Variants in MLPH observed in about 807,000 individuals in gnomAD.
MLPH encodes the protein melanophilin.
In MLPH, 51 loss-of-function variants were observed where a neutral mutation model predicts 72.1. That is an observed-to-expected ratio of 0.71 (90% confidence interval 0.56 to 0.89). The LOEUF (loss-of-function observed/expected upper bound fraction) is 0.89, where lower values mean the gene tolerates loss of function less well. Ranked by LOEUF, MLPH falls within the 40% of genes least tolerant of loss-of-function variation. The probability of loss-of-function intolerance (pLI) is 0.00; values close to 1 mark genes in which losing one functional copy is unlikely to be tolerated. For missense variants in MLPH, 743 were observed against 759.9 expected (o/e 0.98, Z 0.26); for synonymous variants, 301 against 310.1 (o/e 0.97, Z 0.31).
At chr2:237,498,400 TC>T (rs2079580053) in intron 2 of MLPH, among the ~76,000 whole-genome samples, 1 of 152,138 alleles carries the variant, frequency 6.6e-6, no homozygotes, top group African/African-American at 2.4e-5. Flanking sequence ...TCCCACAGCG[TC>T]AGAACAACAC....
At chr2:237,495,645 G>A (rs925481292) in intron 2 of MLPH, among the ~76,000 whole-genome samples, 23 of 152,152 alleles carry the variant, frequency 1.5e-4, no homozygotes, top group Non-Finnish European at 2.6e-4. Flanking sequence ...AGGGGCCGGC[G>A]TCAGAGCCTC....
intron 6 of MLPH, among the ~76,000 whole-genome samples, chr2:237,522,905 T>G (rs1045937919): frequency 1.2e-4 from 18 of 152,224 alleles, no homozygotes; most frequent in Admixed American, 3.3e-4. Context: ...AGGGCTGCTG[T>G]ATTAGCATCT....
intron 1 of MLPH, among the ~76,000 whole-genome samples, chr2:237,488,643 C>T (rs186634983): frequency 1.7e-4 from 26 of 152,274 alleles, no homozygotes; most frequent in African/African-American, 6.3e-4. Context: ...TGACTGAGGA[C>T]ACATTTAGAG....
chr2:237,545,368 C>A, intron 12 of MLPH: 1 of 1,079,540 alleles, frequency 9.3e-7, no homozygotes, highest in Non-Finnish European at 1.2e-6. Context: ...CGTGAACATC[C>A]GGCCTGAGTT....
chr2:237,502,842 G>A (rs1031586589), intron 2 of MLPH, among the ~76,000 whole-genome samples: 2 of 152,134 alleles, frequency 1.3e-5, no homozygotes, highest in African/African-American at 4.8e-5. Flanking sequence ...TTTTTGACCA[G>A]GCTCGGTGAC....
At position 237,540,819 on chromosome 2, in the gene MLPH, T is replaced by A; in HGVS notation, c.1308T>A (p.His436Gln). The A allele has an allele frequency of 1.2e-6, 2 of 1,612,976 alleles. No individual in the cohort carries two copies. The highest frequency in any genetic ancestry group is 1.7e-6 in the Non-Finnish European group (2 of 1,179,934). The stretch of plus-strand genomic sequence containing the variant: ...TTTCCTAGGTGGGCACGGCTGCCCA[T>A]CAAACCAACAGACAGGAAAAAAGCC... The part of the protein sequence containing the change: ...QADPEVGTAA[H>Q]QTNRQEKSPQ... The change falls in exon 11 of 16, where the codon CAT (histidine) becomes CAA (glutamine). Residue 436 changes from histidine to glutamine, a missense_variant. His to Gln is a conservative substitution (Grantham distance 24, BLOSUM62 0). Transcript: ENST00000264605.
intron 14 of MLPH, chr2:237,552,104 G>C (rs2081052072): frequency 3.9e-6 from 2 of 509,042 alleles, no homozygotes; most frequent in African/African-American, 3.8e-5. Context: ...GCCACAGTGA[G>C]GAAGAATGTT....
chr2:237,536,857 G>T (rs1478012319), intron 9 of MLPH, among the ~76,000 whole-genome samples: 1 of 152,228 alleles, frequency 6.6e-6, no homozygotes. Flanking sequence ...TAACCTTGTG[G>T]AGGGAAAGGG....
chr2:237,499,184 C>A (rs2079597129), intron 2 of MLPH, among the ~76,000 whole-genome samples: 3 of 152,072 alleles, frequency 2.0e-5, no homozygotes, highest in Admixed American at 2.0e-4. Context: ...GTTCACTAGC[C>A]TCGCCCTGAC....
At chr2:237,542,214 G>A (rs1396096356) in intron 11 of MLPH, among the ~76,000 whole-genome samples, 2 of 152,136 alleles carry the variant, frequency 1.3e-5, no homozygotes, top group Admixed American at 1.3e-4. Context: ...GCCAGTGGGA[G>A]TGGCCGACTG....
chr2:237,498,062 A>C (rs886525650), intron 2 of MLPH, among the ~76,000 whole-genome samples: 31 of 152,258 alleles, frequency 2.0e-4, no homozygotes, highest in Non-Finnish European at 1.2e-4. Context: ...GAGAGAGGAG[A>C]GAACAGGGGT....
intron 4 of MLPH, among the ~76,000 whole-genome samples, chr2:237,516,966 T>G (rs117006957): frequency 0.019 from 2,915 of 150,054 alleles, 34 homozygotes; most frequent in African/African-American, 0.022. Flanking sequence ...GATAGATAGG[T>G]GGATGGATGG....
chr2:237,508,875 C>T (rs1248808059), intron 2 of MLPH, among the ~76,000 whole-genome samples: 1 of 152,228 alleles, frequency 6.6e-6, no homozygotes, highest in African/African-American at 2.4e-5. Flanking sequence ...CCCCATTCAG[C>T]ACACCAAGCT....
At chr2:237,540,005 C>A (rs2080632175) in intron 9 of MLPH, among the ~76,000 whole-genome samples, 1 of 152,196 alleles carries the variant, frequency 6.6e-6, no homozygotes, top group African/African-American at 2.4e-5. Flanking sequence ...TGACTCCACA[C>A]CCCTCTCTCC....
upstream of MLPH, chr2:237,486,806 C>G (rs1282269164): frequency 1.3e-5 from 2 of 152,268 alleles, no homozygotes; most frequent in African/African-American, 4.8e-5. Context: ...GGCGTTGCCA[C>G]TTACTGGTCG....
In MLPH at chr2:237,512,271, C is replaced by T. The variant is rs2079921130; in HGVS notation, c.445+1170C>T. ...GTTTGATTGAAGAAGCAGAAGTTGG[C>T]ATAGACACCTTTGAGCATTCAAGCT... On this transcript the variant is annotated intron_variant, in intron 4 of 15. Transcript: ENST00000264605. This position sits in a 1 kb window ranked among gnomAD's most constrained non-coding sequence, Gnocchi z 5.5. Among the ~76,000 whole-genome samples the T allele has an allele frequency of 2.0e-5, 3 of 152,228 alleles. No individual in the cohort carries two copies. In the South Asian group the frequency reaches 6.2e-4, roughly 32 times the overall value.
intron 7 of MLPH, 61 bp downstream of exon 7, chr2:237,525,866 G>A: frequency 6.0e-6 from 9 of 1,512,570 alleles, no homozygotes. Context: ...GGTCACTGAG[G>A]AACAACCCCA....
chr2:237,542,719 CGG>C (rs2080725516), intron 12 of MLPH, 60 bp downstream of exon 12: 4 of 1,013,482 alleles, frequency 3.9e-6, no homozygotes, highest in African/African-American at 3.2e-5. Flanking sequence ...TGGTGAGTGG[CGG>C]ACAGTGGTGA....
chr2:237,540,310 G>A, intron 9 of MLPH, 38 bp from the exon 10 acceptor site: 1 of 1,610,314 alleles, frequency 6.2e-7, no homozygotes, highest in Non-Finnish European at 8.5e-7. Context: ...GGCTCCAGAT[G>A]GCTAGCCGAA....
Sources: allele counts gnomAD v4.1 joint callset (sites outside exome capture counted in the v4.1 genomes callset), GRCh38; gene constraint gnomAD v4.1.1; non-coding constraint Gnocchi (gnomAD v3.1); transcripts MANE v1.5; gene names NCBI Gene and HGNC (gene_info 2026-07-23, HGNC 2026-07-21).